Variants in MYBPC1 observed in about 807,000 individuals in gnomAD.
The protein encoded by MYBPC1 is myosin binding protein C1.
A neutral mutation model predicts 147.1 loss-of-function variants in MYBPC1; 52 were observed. The ratio of observed to expected loss-of-function variants is 0.35; its 90% CI spans 0.28 to 0.45. MYBPC1 has a LOEUF of 0.45. Among genes scored for constraint, MYBPC1 ranks in the 20% least tolerant of loss-of-function variants. MYBPC1 has a pLI of 1.00. For synonymous variants in MYBPC1, 477 were observed against 475.9 expected, an observed-to-expected ratio of 1.00 and a Z score of -0.03; for missense variants, 1,228 against 1,440.3, an observed-to-expected ratio of 0.85 and a Z score of 2.39.
downstream of MYBPC1, among the ~76,000 whole-genome samples, chr12:101,688,501 C>G (rs1951380074): frequency 6.6e-6 from 1 of 151,934 alleles, no homozygotes; most frequent in Non-Finnish European, 1.5e-5. Flanking sequence ...AAATTAATAT[C>G]AAAGTAGAAA....
intron 1 of MYBPC1, among the ~76,000 whole-genome samples, chr12:101,596,765 C>T (rs1473676474): frequency 6.6e-6 from 1 of 151,618 alleles, no homozygotes; most frequent in Non-Finnish European, 1.5e-5. Flanking sequence ...AACTTCAGCC[C>T]CCACCCCCCC....
chr12:101,649,092 T>C (rs1565954849), intron 14 of MYBPC1, among the ~76,000 whole-genome samples, 168 bp from the exon 15 acceptor site: 1 of 152,246 alleles, frequency 6.6e-6, no homozygotes, highest in Admixed American at 6.5e-5. Context: ...ATTATGAATC[T>C]ACTGATGGAT....
chr12:101,624,347 A>G (rs1201017509), intron 3 of MYBPC1, among the ~76,000 whole-genome samples: 1 of 152,266 alleles, frequency 6.6e-6, no homozygotes, highest in Non-Finnish European at 1.5e-5. Flanking sequence ...AATAGATTAT[A>G]TAAAAACATA....
chr12:101,631,471 C>A, intron 6 of MYBPC1, 100 bp from the exon 7 acceptor site: 2 of 1,318,826 alleles, frequency 1.5e-6, no homozygotes, highest in Non-Finnish European at 2.2e-6. Flanking sequence ...ACCAATCACA[C>A]CATATTCTGT....
chr12:101,673,592 G>C lies in MYBPC1; in HGVS notation c.2779G>C (p.Glu927Gln), dbSNP rs1774008144. The change falls in exon 25 of 32, where the codon GAG becomes CAG. Residue 927 changes from glutamate (E) to glutamine (Q), a missense_variant. This residue lies in a region of MYBPC1 where 1,077 missense variants were observed against 1,314.2 expected (regional missense o/e 0.82). Transcript: ENST00000361466. Reference protein sequence around the residue: ...DLQVKVDKFVETASIDIQIID... With the variant: ...DLQVKVDKFVQTASIDIQIID... ...GCAAGTCAAAGTGGACAAATTCGTG[G>C]AGACCGCATCAATTGACATCCAGAT... is the stretch of plus-strand genomic sequence containing the variant. 1.9e-6 allele frequency: 3 copies of C among 1,614,160 alleles called. No homozygotes were observed. The highest frequency in any genetic ancestry group is 2.5e-6 in the Non-Finnish European group (3 of 1,180,010).
intron 3 of MYBPC1, among the ~76,000 whole-genome samples, chr12:101,623,511 C>A (rs748942165): frequency 1.3e-5 from 2 of 152,180 alleles, no homozygotes; most frequent in Non-Finnish European, 2.9e-5. Flanking sequence ...ATACTCTTCT[C>A]ATTTTGTGTT....
chr12:101,656,285 G>A (rs1895526670), intron 18 of MYBPC1, among the ~76,000 whole-genome samples: 1 of 151,960 alleles, frequency 6.6e-6, no homozygotes, highest in African/African-American at 2.4e-5. Flanking sequence ...GACAATAATA[G>A]GAACAAAGAA....
chr12:101,660,867 G>A (rs1896431740), intron 19 of MYBPC1, among the ~76,000 whole-genome samples: 1 of 152,058 alleles, frequency 6.6e-6, no homozygotes, highest in African/African-American at 2.4e-5. Context: ...CAGATCCCTT[G>A]AGACTTACTC....
At position 101,626,897 on chromosome 12, in the gene MYBPC1, C is replaced by T. The variant is rs138170393; in HGVS notation, c.129C>T (p.Ser43=). The T allele has an allele frequency of 9.0e-4, 1,454 of 1,612,238 alleles. 13 individuals carry two copies. The African/African-American group carries it at 0.014, about 16-fold the overall frequency. ...AKDEEEVSPP[S]ALPPGLGSRA... is the part of the protein sequence containing the mutation. ...ATGAAGAGGAAGTCTCCCCGCCTAG[C>T]GCCTTGCCTCCAGGTTGGGATAATT... Residue 43 remains serine, a synonymous_variant, in exon 4 of 32, where the codon AGC becomes AGT. Coordinates refer to ENST00000361466, the MANE Select transcript of MYBPC1 (RefSeq NM_002465.4).
intron 4 of MYBPC1, 109 bp from the exon 5 acceptor site, chr12:101,627,660 A>T: frequency 8.0e-7 from 1 of 1,246,814 alleles, no homozygotes; most frequent in Non-Finnish European, 1.2e-6. Flanking sequence ...TTTCCTTCCT[A>T]TCACCAGAGG....
chr12:101,651,491 C>A, intron 16 of MYBPC1, 98 bp downstream of exon 16: 1 of 1,485,800 alleles, frequency 6.7e-7, no homozygotes, highest in Non-Finnish European at 9.4e-7. Context: ...GAAGGGTAGC[C>A]ATAGGGAGAT....
At chr12:101,630,150 CT>C (rs2136035719) in intron 6 of MYBPC1, among the ~76,000 whole-genome samples, 1 of 152,284 alleles carries the variant, frequency 6.6e-6, no homozygotes, top group East Asian at 1.9e-4. Flanking sequence ...AATGCAGGAC[CT>C]TTTGTGTCTG....
At position 101,678,241 on chromosome 12, in the gene MYBPC1, A is replaced by G. The variant is rs1900423223; in HGVS notation, c.3246+3A>G. Reference sequence around the variant, plus strand: ...GCAGTGTGAGAGGAAATCCTAAGGTACCATGTTCTTCTATCACATCAGTTA... The same window carrying G: ...GCAGTGTGAGAGGAAATCCTAAGGTGCCATGTTCTTCTATCACATCAGTTA... On this transcript the variant is annotated splice_donor_region_variant and intron_variant, in intron 28 of 31. Coordinates refer to ENST00000361466, the MANE Select transcript of MYBPC1 (RefSeq NM_002465.4). 1 of 1,614,068 alleles carries G rather than the reference A, an allele frequency of 6.2e-7. No homozygotes were observed. Among genetic ancestry groups the G allele is most frequent in the African/African-American group, 1.3e-5 (1 of 75,070 alleles).
chr12:101,626,977 A>G, intron 4 of MYBPC1, 67 bp downstream of exon 4: 1 of 1,450,586 alleles, frequency 6.9e-7, no homozygotes. Context: ...GAGGAAAAGA[A>G]AAGGCAGTGA....
At chr12:101,634,734 A>G (rs1278341990) in intron 9 of MYBPC1, 129 bp downstream of exon 9, 2 of 750,514 alleles carry the variant, frequency 2.7e-6, no homozygotes, top group Non-Finnish European at 2.3e-6. Flanking sequence ...AAAACACCAT[A>G]TATTTAAACA....
intron 13 of MYBPC1, 122 bp downstream of exon 13, chr12:101,647,009 G>C: frequency 7.7e-7 from 1 of 1,305,936 alleles, no homozygotes; most frequent in Non-Finnish European, 1.1e-6. Flanking sequence ...ATCCTAATGA[G>C]TCTTCTGGTT....
chr12:101,627,941 C>A, intron 5 of MYBPC1, 137 bp downstream of exon 5: 1 of 1,033,584 alleles, frequency 9.7e-7, no homozygotes. Flanking sequence ...CATTACGTTT[C>A]CTCTTACAAG....
chr12:101,692,521 T>A, the MYBPC1 span, among the ~76,000 whole-genome samples: 1 of 152,208 alleles, frequency 6.6e-6, no homozygotes. Context: ...TTTTTGAACC[T>A]CACTGTGCTT....
At chr12:101,607,171 T>C (rs1565884436) in intron 1 of MYBPC1, among the ~76,000 whole-genome samples, 1 of 152,166 alleles carries the variant, frequency 6.6e-6, no homozygotes, top group Non-Finnish European at 1.5e-5. Context: ...GCATTATGAA[T>C]GTCCCCATGA....
Sources: gnomAD v4.1 joint callset for allele counts (sites outside exome capture counted in the v4.1 genomes callset) on GRCh38, gnomAD v4.1.1 for gene constraint, gnomAD v4.1.1 regional missense constraint, MANE v1.5 for transcripts, NCBI Gene and HGNC (gene_info 2026-07-23, HGNC 2026-07-21) for gene names.